MCOLN2: variants seen among roughly 807,000 people sequenced by gnomAD.
The protein encoded by MCOLN2 is mucolipin-2.
MCOLN2 carries 57 observed loss-of-function variants against 67.5 expected under a neutral mutation model. The ratio of observed to expected loss-of-function variants is 0.84; its 90% CI spans 0.68 to 1.05. The LOEUF is 1.05. Ranked by LOEUF, MCOLN2 falls within the 50% of genes least tolerant of loss-of-function variation. The pLI is 0.00. For missense variants in MCOLN2, 620 were observed against 678.8 expected, an observed-to-expected ratio of 0.91 and a Z score of 0.96; for synonymous variants, 246 against 233.3, an observed-to-expected ratio of 1.05 and a Z score of -0.50.
chr1:84,996,865 C>T lies in MCOLN2; in HGVS notation c.8G>A (p.Arg3Gln), dbSNP rs1453616008. The change falls in exon 1 of 14, where the codon CGG becomes CAG. Residue 3 changes from arginine (R) to glutamine (Q), a missense_variant. Transcript: ENST00000370608. The part of the protein sequence containing the change: MA[R>Q]QPYRFPQARI... ...TGCCTGGGGAAAACGATAAGGCTGC[C>T]GGGCCATGCCTCCTCCTTCAAAACT... 1 of 1,613,948 alleles carries T rather than the reference C, an allele frequency of 6.2e-7. No homozygotes were observed. The highest frequency in any genetic ancestry group is 8.5e-7 in the Non-Finnish European group (1 of 1,179,948).
chr1:84,955,901 C>T (rs1570987630), intron 4 of MCOLN2, among the ~76,000 whole-genome samples: 1 of 152,190 alleles, frequency 6.6e-6, no homozygotes, highest in Middle Eastern at 3.4e-3. Context: ...AGCCAAACAC[C>T]TCGTATTTAC....
chr1:84,951,374 G>A (rs1003961720), intron 6 of MCOLN2, among the ~76,000 whole-genome samples: 2 of 152,118 alleles, frequency 1.3e-5, no homozygotes, highest in African/African-American at 4.8e-5. Context: ...AGGCAGGGAG[G>A]GAGAAAAAGA....
chr1:84,938,702 G>A (rs1024247359), intron 9 of MCOLN2, among the ~76,000 whole-genome samples: 1 of 152,228 alleles, frequency 6.6e-6, no homozygotes, highest in African/African-American at 2.4e-5. Context: ...CTGAACAAAG[G>A]CACAATGCTG....
At chr1:84,946,953 C>A in intron 7 of MCOLN2, 80 bp downstream of exon 7, 1 of 706,474 alleles carries the variant, frequency 1.4e-6, no homozygotes, top group Non-Finnish European at 2.5e-6. Context: ...TGCAAACAAA[C>A]CATTTAAATA....
intron 2 of MCOLN2, among the ~76,000 whole-genome samples, chr1:84,961,255 C>A (rs1649073888): frequency 6.6e-6 from 1 of 152,112 alleles, no homozygotes; most frequent in Non-Finnish European, 1.5e-5. Context: ...GCCTCTTAAA[C>A]TGAAATGCTG....
intron 1 of MCOLN2, among the ~76,000 whole-genome samples, chr1:84,984,513 C>T (rs543880396): frequency 1.1e-4 from 16 of 152,318 alleles, no homozygotes; most frequent in African/African-American, 3.6e-4. Flanking sequence ...CTCTTGGATC[C>T]CATGTCTGCT....
chr1:84,995,426 ACATGTGACACAAGAG>A (rs1327333853), intron 1 of MCOLN2, among the ~76,000 whole-genome samples: 30 of 152,338 alleles, frequency 2.0e-4, no homozygotes, highest in African/African-American at 7.2e-4. Context: ...GAACCCCTTA[ACATGTGACACAAGAG>A]CTCACTAAAG....
At chr1:84,982,766 G>A (rs771784023) in intron 1 of MCOLN2, among the ~76,000 whole-genome samples, 2 of 152,106 alleles carry the variant, frequency 1.3e-5, no homozygotes, top group Non-Finnish European at 1.5e-5. Context: ...ACAGTGGTGC[G>A]ATCTTGACTC....
rs576894806 is a variant in MCOLN2 at position 84,955,419 on chromosome 1, T to C, written c.565+1012A>G. ...GAAAGGAAAAAGAACCAGCTATGCATAGATCCAAACAGGAAAAAAATCAAG... is the reference window on the plus strand; with the variant it reads ...GAAAGGAAAAAGAACCAGCTATGCACAGATCCAAACAGGAAAAAAATCAAG... On this transcript the variant is annotated intron_variant, in intron 4 of 13. Coordinates refer to ENST00000370608, the MANE Select transcript of MCOLN2 (RefSeq NM_153259.4). Among the ~76,000 whole-genome samples, 127 of 152,054 alleles carry C rather than the reference T, an allele frequency of 8.4e-4. 1 individual carries two copies. Among genetic ancestry groups the C allele is most frequent in the Non-Finnish European group, 1.6e-3 (106 of 67,986 alleles).
intron 1 of MCOLN2, among the ~76,000 whole-genome samples, chr1:84,991,885 C>A (rs1338306075): frequency 6.6e-6 from 1 of 152,160 alleles, no homozygotes; most frequent in Non-Finnish European, 1.5e-5. Flanking sequence ...ATAAAGGATT[C>A]CACATGCAGT....
intron 6 of MCOLN2, among the ~76,000 whole-genome samples, chr1:84,950,887 G>A (rs1648392305): frequency 6.6e-6 from 1 of 152,132 alleles, no homozygotes; most frequent in South Asian, 2.1e-4. Context: ...CCCCAGGAGA[G>A]CCCCTAAAAT....
At chr1:84,932,965 T>G (rs1647248766) in intron 11 of MCOLN2, among the ~76,000 whole-genome samples, 1 of 152,208 alleles carries the variant, frequency 6.6e-6, no homozygotes, top group Non-Finnish European at 1.5e-5. Flanking sequence ...ACCAAGAAGG[T>G]TGTGATAAGT....
At chr1:84,945,134 G>A (rs761458185) in intron 7 of MCOLN2, among the ~76,000 whole-genome samples, 1 of 152,154 alleles carries the variant, frequency 6.6e-6, no homozygotes, top group East Asian at 1.9e-4. Flanking sequence ...ACAGGAGGGG[G>A]CTAGAGATAC....
At chr1:84,950,652 T>C (rs1648373434) in intron 6 of MCOLN2, among the ~76,000 whole-genome samples, 1 of 152,066 alleles carries the variant, frequency 6.6e-6, no homozygotes, top group Admixed American at 6.5e-5. Flanking sequence ...CTTATTAGGG[T>C]GAACACATTA....
chr1:84,946,164 T>A (rs1051148439), intron 7 of MCOLN2, among the ~76,000 whole-genome samples: 1 of 152,210 alleles, frequency 6.6e-6, no homozygotes, highest in Non-Finnish European at 1.5e-5. Flanking sequence ...CCTTCCCCAC[T>A]GTCCAAGGCT....
At chr1:84,973,527 A>T (rs1274972129) in intron 1 of MCOLN2, among the ~76,000 whole-genome samples, 1 of 152,154 alleles carries the variant, frequency 6.6e-6, no homozygotes. Context: ...TCACTTAGGT[A>T]TGTGAGACAT....
At chr1:84,943,767 G>T (rs1245250400) in intron 7 of MCOLN2, among the ~76,000 whole-genome samples, 1 of 152,196 alleles carries the variant, frequency 6.6e-6, no homozygotes, top group African/African-American at 2.4e-5. Flanking sequence ...GAGGGCAAGC[G>T]TACTGGTTCC....
At chr1:84,983,753 T>C (rs1055840644) in intron 1 of MCOLN2, among the ~76,000 whole-genome samples, 3 of 150,514 alleles carry the variant, frequency 2.0e-5, no homozygotes, top group Non-Finnish European at 4.4e-5. Flanking sequence ...CTCGGCTCAC[T>C]GCAACCTCCG....
At chr1:84,960,981 C>A (rs2031480) in intron 2 of MCOLN2, among the ~76,000 whole-genome samples, 42,791 of 152,120 alleles carry the variant, frequency 0.28, 6,483 homozygotes, top group East Asian at 0.37. Flanking sequence ...TAATTCTCAA[C>A]ACCCTATTAT....
Sources: gnomAD v4.1 joint callset for allele counts (sites outside exome capture counted in the v4.1 genomes callset) on GRCh38, gnomAD v4.1.1 for gene constraint, MANE v1.5 for transcripts, NCBI Gene and HGNC (gene_info 2026-07-23, HGNC 2026-07-21) for gene names.